Variants in KRABD4 observed in about 807,000 individuals in gnomAD.
The protein encoded by KRABD4 is KRAB domain containing 4.
chrX:46,450,539 T>A, the KRABD4 span: 1 of 1,020,079 alleles, frequency 9.8e-7, no homozygotes. Context: ...GGAATCTATA[T>A]AGCAGACTTG....
At chrX:46,473,558 A>C in the KRABD4 span, 4 of 565,651 alleles carry the variant, frequency 7.1e-6, no homozygotes, top group Non-Finnish European at 8.2e-6. Context: ...ATTGTATGTC[A>C]CAGAACATAA....
chrX:46,450,112 G>A, the KRABD4 span, among the ~76,000 whole-genome samples: 1 of 111,768 alleles, frequency 8.9e-6, no homozygotes, highest in African/African-American at 3.3e-5. Context: ...CATTCTTTCA[G>A]CTTTTCCACA....
the KRABD4 span, among the ~76,000 whole-genome samples, chrX:46,457,374 G>A: frequency 1.3e-3 from 151 of 112,172 alleles, 2 homozygotes; most frequent in South Asian, 0.053. Flanking sequence ...TACATGCAAT[G>A]CATATGATAT....
At chrX:46,453,551 C>T in the KRABD4 span, among the ~76,000 whole-genome samples, 508 of 111,436 alleles carry the variant, frequency 4.6e-3, 3 homozygotes, top group African/African-American at 0.016. Context: ...TAAGAAATGC[C>T]ATAACCCAAG....
At chrX:46,450,146 A>G in the KRABD4 span, among the ~76,000 whole-genome samples, 57 of 112,184 alleles carry the variant, frequency 5.1e-4, no homozygotes, top group Admixed American at 1.0e-3. Context: ...CATTATGACA[A>G]ATGTCTAGGA....
chrX:46,460,569 A>G, the KRABD4 span, among the ~76,000 whole-genome samples: 12 of 105,275 alleles, frequency 1.1e-4, no homozygotes, highest in African/African-American at 4.0e-4. Flanking sequence ...GGAACCACCA[A>G]GTGTTCAGCT....
chrX:46,468,296 A>T, the KRABD4 span, among the ~76,000 whole-genome samples: 1 of 111,178 alleles, frequency 9.0e-6, no homozygotes, highest in Admixed American at 9.7e-5. Context: ...GCACTTTGGG[A>T]GGCTGAGGCA....
chrX:46,462,532 G>A, the KRABD4 span: 1 of 510,609 alleles, frequency 2.0e-6, no homozygotes, highest in African/African-American at 2.5e-5. Context: ...AGAAAGAAAG[G>A]CCATTGTGGG....
the KRABD4 span, chrX:46,455,695 T>C: frequency 2.6e-6 from 1 of 380,615 alleles, no homozygotes; most frequent in Admixed American, 3.4e-5. Flanking sequence ...AGCTGCAAGT[T>C]GTACACTGCT....
chrX:46,469,952 G>GT, the KRABD4 span, among the ~76,000 whole-genome samples: 2 of 110,569 alleles, frequency 1.8e-5, no homozygotes, highest in African/African-American at 3.3e-5. Flanking sequence ...CTATGATGGT[G>GT]TTTTTTTCTC....
the KRABD4 span, among the ~76,000 whole-genome samples, chrX:46,465,263 T>A: frequency 8.8e-6 from 1 of 113,129 alleles, no homozygotes; most frequent in Non-Finnish European, 1.9e-5. Context: ...TTGTTCTGAC[T>A]TGTTCCAGTG....
the KRABD4 span, chrX:46,455,305 T>A: frequency 3.0e-6 from 2 of 663,614 alleles, no homozygotes; most frequent in Non-Finnish European, 4.7e-6. Flanking sequence ...GTAATAAAAA[T>A]CATCCTTTCT....
At chrX:46,455,708 G>A in the KRABD4 span, 1 of 383,196 alleles carries the variant, frequency 2.6e-6, no homozygotes, top group South Asian at 3.2e-5. Flanking sequence ...ACACTGCTGT[G>A]TGAACGTTAT....
the KRABD4 span, chrX:46,457,260 A>G: frequency 1.1e-5 from 2 of 189,710 alleles, no homozygotes; most frequent in Non-Finnish European, 2.0e-5. Context: ...TTTTTAATGA[A>G]GATGGGAAAC....
At chrX:46,452,686 G>A in the KRABD4 span, among the ~76,000 whole-genome samples, 1 of 112,241 alleles carries the variant, frequency 8.9e-6, no homozygotes, top group South Asian at 3.7e-4. Flanking sequence ...GATTCCCATT[G>A]TGTACATGTG....
At chrX:46,462,059 G>A in the KRABD4 span, among the ~76,000 whole-genome samples, 1 of 112,058 alleles carries the variant, frequency 8.9e-6, no homozygotes, top group Admixed American at 9.4e-5. Flanking sequence ...CCCGGCCTCT[G>A]TTCAGTAAAC....
the KRABD4 span, among the ~76,000 whole-genome samples, chrX:46,462,155 TATAG>T: frequency 2.7e-5 from 3 of 112,244 alleles, no homozygotes; most frequent in Non-Finnish European, 3.8e-5. Flanking sequence ...ATTTTAGTCA[TATAG>T]ATACTCTATG....
At chrX:46,451,640 C>T in the KRABD4 span, among the ~76,000 whole-genome samples, 4 of 111,146 alleles carry the variant, frequency 3.6e-5, no homozygotes, top group African/African-American at 1.3e-4. Context: ...TTTTGCCCTC[C>T]GAAATCCTTC....
At chrX:46,466,134 A>C in the KRABD4 span, among the ~76,000 whole-genome samples, 1 of 111,750 alleles carries the variant, frequency 8.9e-6, no homozygotes, top group Non-Finnish European at 1.9e-5. Context: ...GTCCAGTCTC[A>C]TGTAGTAGTA....
Sources: gnomAD v4.1 joint callset for allele counts (sites outside exome capture counted in the v4.1 genomes callset) on GRCh38, gnomAD v4.1.1 for gene constraint, MANE v1.5 for transcripts, NCBI Gene and HGNC (gene_info 2026-07-23, HGNC 2026-07-21) for gene names.